Variants in PRIM2 observed in about 807,000 individuals in gnomAD.
PRIM2 encodes the protein DNA primase subunit 2, also known as DNA primase large subunit.
PRIM2 carries 39 observed loss-of-function variants against 67.3 expected under a neutral mutation model. That is an observed-to-expected ratio of 0.58 (90% CI 0.45 to 0.76). The LOEUF (loss-of-function observed/expected upper bound fraction) is 0.76. Among genes scored for constraint, PRIM2 ranks in the 30% least tolerant of loss-of-function variants. The pLI, the probability that PRIM2 is intolerant of heterozygous loss-of-function variation, is 0.00. For synonymous variants in PRIM2, 143 were observed against 198.7 expected, an observed-to-expected ratio of 0.72 and a Z score of 2.36; for missense variants, 398 against 598.7, an observed-to-expected ratio of 0.66 and a Z score of 3.50.
intron 5 of PRIM2, among the ~76,000 whole-genome samples, chr6:57,335,923 G>T (rs1380803322): frequency 6.6e-6 from 1 of 152,138 alleles, no homozygotes. Flanking sequence ...GCTACGGGAG[G>T]ACATTCAAAC....
intron 7 of PRIM2, among the ~76,000 whole-genome samples, chr6:57,502,705 C>CT (rs1774162316): frequency 6.6e-6 from 1 of 152,204 alleles, no homozygotes; most frequent in South Asian, 2.1e-4. Context: ...ACTTCCTAGT[C>CT]TATCAGAATG....
chr6:57,485,366 A>G (rs1186736064), intron 7 of PRIM2, among the ~76,000 whole-genome samples: 1 of 152,108 alleles, frequency 6.6e-6, no homozygotes, highest in Non-Finnish European at 1.5e-5. Context: ...TCCTTTTGAT[A>G]CTGCTGTTTT....
chr6:57,504,681 C>T (rs1411006561), intron 7 of PRIM2, among the ~76,000 whole-genome samples: 1 of 151,924 alleles, frequency 6.6e-6, no homozygotes, highest in Non-Finnish European at 1.5e-5. Context: ...GTGTCCGGTA[C>T]ATTGTTGTGT....
chr6:57,576,338 C>T (rs1402851770), intron 10 of PRIM2, among the ~76,000 whole-genome samples: 1 of 151,700 alleles, frequency 6.6e-6, no homozygotes, highest in Non-Finnish European at 1.5e-5. Flanking sequence ...TTTCTATTAG[C>T]ATGTTTCCAG....
At chr6:57,554,708 C>T (rs1318136419) in intron 10 of PRIM2, among the ~76,000 whole-genome samples, 43 of 152,074 alleles carry the variant, frequency 2.8e-4, no homozygotes, top group African/African-American at 9.9e-4. Context: ...ATTCGTTGGC[C>T]GAAAATGGAC....
chr6:57,284,768 A>G, the PRIM2 span, among the ~76,000 whole-genome samples: 2 of 152,196 alleles, frequency 1.3e-5, no homozygotes, highest in Admixed American at 1.3e-4. Flanking sequence ...AGACTCAGCA[A>G]TTTCAATTCA....
chr6:57,502,540 A>G (rs1223664486), intron 7 of PRIM2, among the ~76,000 whole-genome samples: 2 of 152,098 alleles, frequency 1.3e-5, no homozygotes, highest in African/African-American at 2.4e-5. Context: ...CGTGAACCTT[A>G]ATTGCATGTG....
intron 10 of PRIM2, among the ~76,000 whole-genome samples, chr6:57,557,330 C>T (rs1775534151): frequency 6.6e-6 from 1 of 151,688 alleles, no homozygotes; most frequent in East Asian, 1.9e-4. Flanking sequence ...ATGTTCATTG[C>T]AGCACTATTC....
chr6:57,295,856 C>T, the PRIM2 span, among the ~76,000 whole-genome samples: 11 of 152,250 alleles, frequency 7.2e-5, no homozygotes, highest in African/African-American at 2.4e-4. Context: ...CCATCCTTCC[C>T]AACACCCGGA....
intron 7 of PRIM2, among the ~76,000 whole-genome samples, chr6:57,500,257 T>A (rs1774104045): frequency 6.6e-6 from 1 of 152,182 alleles, no homozygotes; most frequent in African/African-American, 2.4e-5. Flanking sequence ...TTTTGACCTC[T>A]TTGCCTCTAG....
At chr6:57,323,633 G>C (rs1383059667) in intron 3 of PRIM2, among the ~76,000 whole-genome samples, 2 of 152,048 alleles carry the variant, frequency 1.3e-5, no homozygotes, top group African/African-American at 4.8e-5. Context: ...CAGGGGGTTG[G>C]GGTCAAGGGG....
intron 7 of PRIM2, among the ~76,000 whole-genome samples, chr6:57,410,616 T>C (rs1233340916): frequency 8.6e-5 from 13 of 151,978 alleles, no homozygotes; most frequent in African/African-American, 3.1e-4. Context: ...GCTAAACTTA[T>C]TAATTTTAGT....
At position 57,375,052 on chromosome 6, in the gene PRIM2, CTT is replaced by C. The variant is rs1226792945; in HGVS notation, c.460-4847_460-4846del. Among the ~76,000 whole-genome samples, 272 of 152,312 alleles carry C rather than the reference CTT, an allele frequency of 1.8e-3. No homozygotes were observed. The South Asian group carries it at 0.019, about 11-fold the overall frequency. ...CTTTCTCTCCTCCTATTTGAATACTCTTTATTTTTTTCTCTTGCCTGATTGCC... is the reference window on the plus strand; with the variant it reads ...CTTTCTCTCCTCCTATTTGAATACTCTATTTTTTTCTCTTGCCTGATTGCC... On this transcript the variant is annotated intron_variant, in intron 5 of 13. Coordinates refer to ENST00000615550, the MANE Select transcript of PRIM2 (RefSeq NM_000947.5).
intron 5 of PRIM2, among the ~76,000 whole-genome samples, chr6:57,333,937 G>A (rs1452197074): frequency 6.6e-6 from 1 of 152,066 alleles, no homozygotes; most frequent in Non-Finnish European, 1.5e-5. Context: ...CACTCACTTA[G>A]CATTTTTCAT....
rs564214817 is a variant in PRIM2 at position 57,458,756 on chromosome 6, C to T, written c.694-48631C>T. Among the ~76,000 whole-genome samples, 23 of 152,326 alleles carry T rather than the reference C, an allele frequency of 1.5e-4. No individual in the cohort carries two copies. In the South Asian group the frequency reaches 4.1e-3, roughly 27 times the overall value. ...TTGATGAAAACACTAGTGACTCTTA[C>T]AGTTAGCCCCCCTAGCTACTAGGCA... On this transcript the variant is annotated intron_variant, in intron 7 of 13. Transcript: ENST00000615550.
At chr6:57,604,515 G>T (rs1427886685) in intron 11 of PRIM2, among the ~76,000 whole-genome samples, 1 of 152,078 alleles carries the variant, frequency 6.6e-6, no homozygotes, top group Non-Finnish European at 1.5e-5. Flanking sequence ...AGTAAGAGTG[G>T]TGAGAGTGGG....
chr6:57,288,397 C>G, the PRIM2 span, among the ~76,000 whole-genome samples: 11 of 152,194 alleles, frequency 7.2e-5, no homozygotes, highest in African/African-American at 2.7e-4. Flanking sequence ...CAGACAGCTT[C>G]CGAAGACCTA....
At chr6:57,271,802 T>C in the PRIM2 span, among the ~76,000 whole-genome samples, 1 of 152,234 alleles carries the variant, frequency 6.6e-6, no homozygotes, top group African/African-American at 2.4e-5. Context: ...GCTTTGAATG[T>C]GTCCCAGAGA....
chr6:57,349,252 T>C (rs1768781630), intron 5 of PRIM2, among the ~76,000 whole-genome samples: 1 of 152,064 alleles, frequency 6.6e-6, no homozygotes, highest in East Asian at 1.9e-4. Flanking sequence ...TGTTTCGTTC[T>C]GAGTGTTTCT....
Sources: gnomAD v4.1 joint callset for allele counts (sites outside exome capture counted in the v4.1 genomes callset) on GRCh38, gnomAD v4.1.1 for gene constraint, MANE v1.5 for transcripts, NCBI Gene and HGNC (gene_info 2026-07-23, HGNC 2026-07-21) for gene names.